The following B3GNT9 variants were observed in gnomAD, a reference collection of about 807,000 sequenced individuals.
B3GNT9 encodes BGnT-9.
For synonymous variants in B3GNT9, 359 were observed against 283.9 expected (o/e 1.26, Z -2.66); for missense variants, 669 against 599.2 (o/e 1.12, Z -1.22).
chr16:67,150,077 G>A lies in B3GNT9; in HGVS notation c.409C>T (p.Gln137Ter), dbSNP rs1367329411. 1.4e-6 allele frequency: 2 copies of A among 1,465,914 alleles called. No individual in the cohort carries two copies. The highest frequency in any genetic ancestry group is 1.8e-6 in the Non-Finnish European group (2 of 1,112,008). The allele number at this position is 1,465,914 out of a possible 1,614,324, so 90.8% of individuals were successfully genotyped here. A position where few individuals can be genotyped will look rare whatever the true frequency, so the allele number is the denominator to read the frequency against. Residue 137 changes from glutamine (Q) to a stop codon, truncating the protein, a stop_gained, in exon 2 of 2, where the codon CAG becomes TAG. Coordinates refer to ENST00000449549, the MANE Select transcript of B3GNT9 (RefSeq NM_033309.3). LOFTEE classifies it low-confidence loss of function (END_TRUNC). Reference protein sequence around the residue: ...EDFERRQAVRQTWGAEGRVQG... With the variant: ...EDFERRQAVR ...ACGCGACCCTCCGCGCCCCACGTCT[G>A]GCGCACGGCTTGGCGCCGCTCGAAG...
chr16:67,150,050 G>A lies in B3GNT9; in HGVS notation c.436C>T (p.Gln146Ter). 1 of 1,495,806 alleles carries A rather than the reference G, an allele frequency of 6.7e-7. No homozygotes were observed. Among genetic ancestry groups the A allele is most frequent in the Non-Finnish European group, 8.9e-7 (1 of 1,125,122 alleles). The allele number at this position is 1,495,806 out of a possible 1,614,324, so 92.7% of individuals were successfully genotyped here. ...AACACGCGGCGCACCAGCGCCCCCTGCACGCGACCCTCCGCGCCCCACGTC... is the reference window on the plus strand; with the variant it reads ...AACACGCGGCGCACCAGCGCCCCCTACACGCGACCCTCCGCGCCCCACGTC... ...RQTWGAEGRVQGALVRRVFLL... is the reference protein window; with the variant it reads ...RQTWGAEGRV The change falls in exon 2 of 2, where the codon CAG becomes TAG. Residue 146 changes from glutamine to a stop codon, truncating the protein, a stop_gained. Transcript: ENST00000449549. LOFTEE classifies it low-confidence loss of function (END_TRUNC).
Position 67,150,654 on chromosome 16 carries a change from A to T in B3GNT9, c.-169T>A. On this transcript the variant is annotated 5_prime_UTR_variant, in exon 2 of 2. Transcript: ENST00000449549. Reference sequence around the variant, plus strand: ...GTTCTCCTCCTCCCGGCCGTGTCGCACCGCCGGGACCGGCAGCCTGAAGGG... The same window carrying T: ...GTTCTCCTCCTCCCGGCCGTGTCGCTCCGCCGGGACCGGCAGCCTGAAGGG... 1 of 479,778 alleles carries T rather than the reference A, an allele frequency of 2.1e-6. No individual in the cohort carries two copies. Among genetic ancestry groups the T allele is most frequent in the East Asian group, 3.6e-5 (1 of 28,114 alleles). 29.7% of individuals were successfully genotyped at this position (479,778 alleles called of 1,614,324 possible). A position where few individuals can be genotyped will look rare whatever the true frequency, so the allele number is the denominator to read the frequency against.
chr16:67,149,197 A>G lies in B3GNT9; in HGVS notation c.*80T>C. The G allele has an allele frequency of 1.4e-6, 2 of 1,475,938 alleles. No homozygotes were observed. Among genetic ancestry groups the G allele is most frequent in the South Asian group, 1.5e-5 (1 of 68,844 alleles). The allele number at this position is 1,475,938 out of a possible 1,614,324, so 91.4% of individuals were successfully genotyped here. ...GAGACAGGCACCTGGTGATCAGGGAAGAACCACATACACGGCAATAATCTG... is the reference window on the plus strand; with the variant it reads ...GAGACAGGCACCTGGTGATCAGGGAGGAACCACATACACGGCAATAATCTG... On this transcript the variant is annotated 3_prime_UTR_variant, in exon 2 of 2. Transcript: ENST00000449549.
At position 67,149,577 on chromosome 16, in the gene B3GNT9, A is replaced by C; in HGVS notation, c.909T>G (p.Ala303=). Residue 303 remains alanine (A), a synonymous_variant, in exon 2 of 2, where the codon GCT becomes GCG. Coordinates refer to ENST00000449549, the MANE Select transcript of B3GNT9 (RefSeq NM_033309.3). ...VLSGATLHRL[A]GACAQVELFP... ...AGAGCTCGACCTGCGCACAGGCGCC[A>C]GCCAGGCGGTGCAGCGTGGCCCCGG... 1 of 1,604,730 alleles carries C rather than the reference A, an allele frequency of 6.2e-7. No homozygotes were observed. The highest frequency in any genetic ancestry group is 1.1e-5 in the South Asian group (1 of 89,884).
Position 67,150,127 on chromosome 16 carries a change from A to G in B3GNT9, c.359T>C (p.Ile120Thr). 1.3e-6 allele frequency: 2 copies of G among 1,512,800 alleles called. No homozygotes were observed. The highest frequency in any genetic ancestry group is 1.8e-6 in the Non-Finnish European group (2 of 1,132,748). 93.7% of individuals were successfully genotyped at this position (1,512,800 alleles called of 1,614,324 possible). A position where few individuals can be genotyped will look rare whatever the true frequency, so the allele number is the denominator to read the frequency against. ...GTCCTCTGCCACCGACTTGACAGCA[A>G]TAAGCAGGTCCGGGCGGCCACCGGG... ...GAPGGRPDLL[I>T]AVKSVAEDFE... The change falls in exon 2 of 2, where the codon ATT becomes ACT. Residue 120 changes from isoleucine (I) to threonine (T), a missense_variant. Transcript: ENST00000449549.
Position 67,149,382 on chromosome 16 carries a change from CGA to C in B3GNT9, c.1102_1103del (p.Ser368GlyfsTer3). On this transcript the variant is annotated frameshift_variant, in exon 2 of 2. Coordinates refer to ENST00000449549, the MANE Select transcript of B3GNT9 (RefSeq NM_033309.3). LOFTEE classifies it low-confidence loss of function (END_TRUNC). ...YRELVVVHGL[S>X]AADIWLMWRL... ...GCCACATAAGCCAGATGTCAGCGGC[CGA>C]GAGCCCGTGCACTACAACCAGCTCA... 3 of 1,602,152 alleles carry C rather than the reference CGA, an allele frequency of 1.9e-6. No individual in the cohort carries two copies. Among genetic ancestry groups the C allele is most frequent in the Non-Finnish European group, 2.6e-6 (3 of 1,174,590 alleles).
In B3GNT9 at chr16:67,149,974, C is replaced by A; in HGVS notation, c.512G>T (p.Gly171Val). 6.5e-7 allele frequency: 1 copy of A among 1,544,086 alleles called. No individual in the cohort carries two copies. The highest frequency in any genetic ancestry group is 1.2e-5 in the South Asian group (1 of 83,484). The change falls in exon 2 of 2, where the codon GGG (glycine) becomes GTG (valine). Residue 171 changes from glycine (G) to valine (V), a missense_variant. Physicochemically the swap from Gly to Val is moderately radical, Grantham distance 109 (BLOSUM62 -3). Coordinates refer to ENST00000449549, the MANE Select transcript of B3GNT9 (RefSeq NM_033309.3). Reference protein sequence around the residue: ...GAGSGGADEVGEGARTHWRAL... With the variant: ...GAGSGGADEVVEGARTHWRAL... ...GCGCCAGTGGGTTCGCGCGCCCTCCCCAACTTCGTCGGCCCCGCCCGAGCC... is the reference window on the plus strand; with the variant it reads ...GCGCCAGTGGGTTCGCGCGCCCTCCACAACTTCGTCGGCCCCGCCCGAGCC...
chr16:67,150,641 C>T lies in B3GNT9; in HGVS notation c.-156G>A, dbSNP rs2030447437. 2 of 541,910 alleles carry T rather than the reference C, an allele frequency of 3.7e-6. No individual in the cohort carries two copies. Among genetic ancestry groups the T allele is most frequent in the Middle Eastern group, 5.2e-4 (1 of 1,918 alleles). 33.6% of individuals were successfully genotyped at this position (541,910 alleles called of 1,614,324 possible). A position where few individuals can be genotyped will look rare whatever the true frequency, so the allele number is the denominator to read the frequency against. Reference sequence around the variant, plus strand: ...AGCCCCTTGCGTTGTTCTCCTCCTCCCGGCCGTGTCGCACCGCCGGGACCG... The same window carrying T: ...AGCCCCTTGCGTTGTTCTCCTCCTCTCGGCCGTGTCGCACCGCCGGGACCG... On this transcript the variant is annotated 5_prime_UTR_variant, in exon 2 of 2. Transcript: ENST00000449549.
In B3GNT9 at chr16:67,149,879, TA is replaced by T. The variant is rs760854232; in HGVS notation, c.606del (p.Phe202LeufsTer3). ...ILLWAFDDTF[F>X]NLTLKEIHFL... ...AAGTGGATCTCCTTGAGCGTTAGGT[TA>T]AAAAAGGTGTCGTCGAAGGCCCAGA... On this transcript the variant is annotated frameshift_variant, in exon 2 of 2. Coordinates refer to ENST00000449549, the MANE Select transcript of B3GNT9 (RefSeq NM_033309.3). LOFTEE classifies it low-confidence loss of function (END_TRUNC). 1.9e-6 allele frequency: 3 copies of T among 1,612,474 alleles called. No homozygotes were observed. The highest frequency in any genetic ancestry group is 1.7e-5 in the Admixed American group (1 of 59,800).
At position 67,150,412 on chromosome 16, in the gene B3GNT9, A is replaced by C; in HGVS notation, c.74T>G (p.Leu25Arg). 9 of 1,363,902 alleles carry C rather than the reference A, an allele frequency of 6.6e-6. No individual in the cohort carries two copies. In the South Asian group the frequency reaches 1.1e-4, roughly 17 times the overall value. The allele number at this position is 1,363,902 out of a possible 1,614,324, so 84.5% of individuals were successfully genotyped here. A position where few individuals can be genotyped will look rare whatever the true frequency, so the allele number is the denominator to read the frequency against. Reference sequence around the variant, plus strand: ...GGCCGCGCCGTCGCGCTGCGCATAGAGTAAGAGGCCCAGGGAGGCGCCAAG... The same window carrying C: ...GGCCGCGCCGTCGCGCTGCGCATAGCGTAAGAGGCCCAGGGAGGCGCCAAG... ...LLLGASLGLLLYAQRDGAAPT... is the reference protein window; with the variant it reads ...LLLGASLGLLRYAQRDGAAPT... The change falls in exon 2 of 2, where the codon CTC (leucine) becomes CGC (arginine). Residue 25 changes from leucine to arginine, a missense_variant. Physicochemically the swap from Leu to Arg is moderately radical, Grantham distance 102. Transcript: ENST00000449549.
chr16:67,149,451 TGAAGGCTGGGGGATGCCAAAGGTGCG>T lies in B3GNT9; in HGVS notation c.1009_1034del (p.Arg337SerfsTer15). On this transcript the variant is annotated frameshift_variant, in exon 2 of 2. Transcript: ENST00000449549. LOFTEE classifies it low-confidence loss of function (END_TRUNC). ...CGAAGGTGCTCAAATGCGGCGCGGC[TGAAGGCTGGGGGATGCCAAAGGTGCG>T]GAAGGCAGGGTGAGGCTCGGGCGTG... 1 of 1,607,650 alleles carries T rather than the reference TGAAGGCTGGGGGATGCCAAAGGTGCG, an allele frequency of 6.2e-7. No individual in the cohort carries two copies. Among genetic ancestry groups the T allele is most frequent in the Non-Finnish European group, 8.5e-7 (1 of 1,176,972 alleles).
rs2030448230 is a variant in B3GNT9 at position 67,150,665 on chromosome 16, C to G, written c.-180G>C. On this transcript the variant is annotated 5_prime_UTR_variant, in exon 2 of 2. Transcript: ENST00000449549. ...CCCGGCCGTGTCGCACCGCCGGGAC[C>G]GGCAGCCTGAAGGGACAAGAAGTTC... is the stretch of plus-strand genomic sequence containing the variant. 6.5e-6 allele frequency: 3 copies of G among 458,086 alleles called. No homozygotes were observed. The highest frequency in any genetic ancestry group is 6.0e-5 in the African/African-American group (3 of 49,614). 28.4% of individuals were successfully genotyped at this position (458,086 alleles called of 1,614,324 possible).
Position 67,149,109 on chromosome 16 carries a change from A to G in B3GNT9, c.*168T>C, listed in dbSNP as rs2030343310. Reference sequence around the variant, plus strand: ...AAGGGTCACCATTACACGGGTTTCAACTGGTTCCAGCAGGGTGGACCGCCA... The same window carrying G: ...AAGGGTCACCATTACACGGGTTTCAGCTGGTTCCAGCAGGGTGGACCGCCA... On this transcript the variant is annotated 3_prime_UTR_variant, in exon 2 of 2. Transcript: ENST00000449549. 2 of 1,363,372 alleles carry G rather than the reference A, an allele frequency of 1.5e-6. No individual in the cohort carries two copies. The highest frequency in any genetic ancestry group is 1.5e-5 in the African/African-American group (1 of 67,678). 84.5% of individuals were successfully genotyped at this position (1,363,372 alleles called of 1,614,324 possible).
At position 67,150,505 on chromosome 16, in the gene B3GNT9, T is replaced by C; in HGVS notation, c.-20A>G. 3.1e-6 allele frequency: 4 copies of C among 1,283,286 alleles called. No individual in the cohort carries two copies. The highest frequency in any genetic ancestry group is 3.9e-6 in the Non-Finnish European group (4 of 1,015,954). 79.5% of individuals were successfully genotyped at this position (1,283,286 alleles called of 1,614,324 possible). A position where few individuals can be genotyped will look rare whatever the true frequency, so the allele number is the denominator to read the frequency against. On this transcript the variant is annotated 5_prime_UTR_variant, in exon 2 of 2. Transcript: ENST00000449549. ...CCTCATCTCCGCGCGGCCTGCGCCC[T>C]CCCTCCCCTGTAAGGGTCGCAGTCG...
Position 67,150,536 on chromosome 16 carries a change from A to AG in B3GNT9, c.-52dup. The AG allele has an allele frequency of 1.6e-6, 2 of 1,248,234 alleles. No homozygotes were observed. The highest frequency in any genetic ancestry group is 2.0e-6 in the Non-Finnish European group (2 of 995,572). 77.3% of individuals were successfully genotyped at this position (1,248,234 alleles called of 1,614,324 possible). ...CCCTGTAAGGGTCGCAGTCGGCAGC[A>AG]GGGGGCAGCGAGCCCCGCCCTCCCC... On this transcript the variant is annotated 5_prime_UTR_variant, in exon 2 of 2. Coordinates refer to ENST00000449549, the MANE Select transcript of B3GNT9 (RefSeq NM_033309.3).
rs1278988308 is a variant in B3GNT9 at position 67,149,904 on chromosome 16, G to C, written c.582C>G (p.Leu194=). 4 of 1,607,224 alleles carry C rather than the reference G, an allele frequency of 2.5e-6. No homozygotes were observed. Among genetic ancestry groups the C allele is most frequent in the Non-Finnish European group, 3.4e-6 (4 of 1,176,854 alleles). The change falls in exon 2 of 2, where the codon CTC becomes CTG. Residue 194 remains leucine, a synonymous_variant. Transcript: ENST00000449549. ...AESLAYADIL[L]WAFDDTFFNL... ...TAAAAAAGGTGTCGTCGAAGGCCCA[G>C]AGCAGGATGTCCGCATACGCAAGGC...
Position 67,149,341 on chromosome 16 carries a change from G to A in B3GNT9, c.1145C>T (p.Pro382Leu). ...IWLMWRLLHG[P>L]HGPACAHPQP... ...TGGATGCGCACAGGCTGGCCCATGC[G>A]GCCCGTGCAGCAGGCGCCACATAAG... The change falls in exon 2 of 2, where the codon CCG becomes CTG. Residue 382 changes from proline to leucine, a missense_variant. Physicochemically the swap from Pro to Leu is moderately conservative, Grantham distance 98. Transcript: ENST00000449549. The A allele has an allele frequency of 1.2e-6, 2 of 1,600,510 alleles. No homozygotes were observed. Among genetic ancestry groups the A allele is most frequent in the Non-Finnish European group, 1.7e-6 (2 of 1,173,646 alleles).
At position 67,149,578 on chromosome 16, in the gene B3GNT9, G is replaced by A. The variant is rs1245930172; in HGVS notation, c.908C>T (p.Ala303Val). The stretch of plus-strand genomic sequence containing the variant: ...GAGCTCGACCTGCGCACAGGCGCCA[G>A]CCAGGCGGTGCAGCGTGGCCCCGGA... ...VLSGATLHRL[A>V]GACAQVELFP... is the part of the protein sequence containing the mutation. Residue 303 changes from alanine to valine, a missense_variant, in exon 2 of 2, where the codon GCT becomes GTT. Coordinates refer to ENST00000449549, the MANE Select transcript of B3GNT9 (RefSeq NM_033309.3). 1 of 1,603,658 alleles carries A rather than the reference G, an allele frequency of 6.2e-7. No individual in the cohort carries two copies.
chr16:67,150,281 C>A lies in B3GNT9; in HGVS notation c.205G>T (p.Glu69Ter). The change falls in exon 2 of 2, where the codon GAA (glutamate) becomes TAA (stop). Residue 69 changes from glutamate to a stop codon, truncating the protein, a stop_gained. Transcript: ENST00000449549. LOFTEE classifies it low-confidence loss of function (END_TRUNC). ...GTGGGCGGCGCCGGTGTGTCCCCTT[C>A]GTAGGCCGGCGGGGCTGCACCCGCG... ...PDAGAAPPAY[E>*]GDTPAPPTPT... is the part of the protein sequence containing the mutation. 6.9e-7 allele frequency: 1 copy of A among 1,446,956 alleles called. No homozygotes were observed. The highest frequency in any genetic ancestry group is 1.5e-5 in the South Asian group (1 of 67,446). The allele number at this position is 1,446,956 out of a possible 1,614,324, so 89.6% of individuals were successfully genotyped here.
Sources: allele counts gnomAD v4.1 joint callset, GRCh38; gene constraint gnomAD v4.1.1; transcripts MANE v1.5; gene names NCBI Gene and HGNC (gene_info 2026-07-23, HGNC 2026-07-21).